MTUS2: variants seen among roughly 807,000 people sequenced by gnomAD.
The protein encoded by MTUS2 is microtubule associated scaffold protein 2.
Under a neutral mutation model 114.1 loss-of-function variants are expected in MTUS2, and 40 were observed. The observed-to-expected ratio is 0.35, with a 90% CI of 0.27 to 0.46. The LOEUF is 0.46. Ranked by LOEUF, MTUS2 falls within the 20% of genes least tolerant of loss-of-function variation. The pLI is 1.00. For synonymous variants in MTUS2, 688 were observed against 672.0 expected (o/e 1.02, Z -0.37); for missense variants, 1,679 against 1,705.4 (o/e 0.98, Z 0.27).
At chr13:29,001,110 CAGTTCCT>C (rs1885365332) in intron 2 of MTUS2, among the ~76,000 whole-genome samples, 1 of 152,224 alleles carries the variant, frequency 6.6e-6, no homozygotes. Context: ...GAGCAGCATT[CAGTTCCT>C]GGAAAACTGC....
intron 2 of MTUS2, among the ~76,000 whole-genome samples, chr13:28,875,532 A>G (rs866006685): frequency 6.6e-6 from 1 of 152,178 alleles, no homozygotes; most frequent in African/African-American, 2.4e-5. Context: ...GTTTATTTTT[A>G]AAAGAACTGT....
At chr13:29,391,637 T>A (rs1297575481) in intron 8 of MTUS2, among the ~76,000 whole-genome samples, 1 of 65,580 alleles carries the variant, frequency 1.5e-5, no homozygotes, top group Non-Finnish European at 3.5e-5. Flanking sequence ...TTTGCTTTTT[T>A]AAAATGTTTT....
chr13:29,408,574 A>T (rs1027896099), intron 8 of MTUS2, among the ~76,000 whole-genome samples: 3 of 152,082 alleles, frequency 2.0e-5, no homozygotes, highest in African/African-American at 7.2e-5. Flanking sequence ...CTCCTTGACC[A>T]TCCAAAGTGC....
At chr13:28,968,426 G>A (rs1883700339) in intron 2 of MTUS2, among the ~76,000 whole-genome samples, 1 of 152,152 alleles carries the variant, frequency 6.6e-6, no homozygotes, top group South Asian at 2.1e-4. Context: ...TTTTATATCA[G>A]TGAATATCAG....
At chr13:29,371,976 GCCC>G (rs1266577455) in intron 8 of MTUS2, among the ~76,000 whole-genome samples, 3 of 23,906 alleles carry the variant, frequency 1.3e-4, no homozygotes, top group Admixed American at 5.2e-4. Flanking sequence ...CTCAACCCCC[GCCC>G]CCCCCCCCAC....
In MTUS2 at chr13:29,077,994, A is replaced by T. The variant is rs532062426; in HGVS notation, c.2447-22779A>T. ...TGAGAATATCTGGTTTTTTCAAAGGATTTATCTTTTAAAAGAAAAATGATA... is the reference window on the plus strand; with the variant it reads ...TGAGAATATCTGGTTTTTTCAAAGGTTTTATCTTTTAAAAGAAAAATGATA... On this transcript the variant is annotated intron_variant, in intron 4 of 15. Transcript: ENST00000612955. 9.2e-5 allele frequency among the ~76,000 whole-genome samples: 14 copies of T among 152,294 alleles called. No homozygotes were observed. In the East Asian group the frequency reaches 1.3e-3, roughly 15 times the overall value.
intron 4 of MTUS2, among the ~76,000 whole-genome samples, chr13:29,094,208 T>C (rs1364766328): frequency 4.2e-5 from 6 of 143,180 alleles, no homozygotes; most frequent in African/African-American, 1.3e-4. Context: ...ACTGGACTTA[T>C]AGAATGAGTT....
At chr13:29,031,269 T>TGTGTGTGTGTGTGTGTGTGTGTGTGG (rs1223710633) in intron 3 of MTUS2, among the ~76,000 whole-genome samples, 2 of 128,186 alleles carry the variant, frequency 1.6e-5, no homozygotes, top group East Asian at 2.3e-4. Context: ...TGTGTGTGTG[T>TGTGTGTGTGTGTGTGTGTGTGTGTGG]GGTGTGTGTT....
chr13:29,144,610 T>C (rs1445659033), intron 5 of MTUS2, among the ~76,000 whole-genome samples: 1 of 152,172 alleles, frequency 6.6e-6, no homozygotes, highest in Non-Finnish European at 1.5e-5. Flanking sequence ...CCCAGTTTTT[T>C]GCTTGCTGTC....
intron 5 of MTUS2, among the ~76,000 whole-genome samples, chr13:29,235,142 G>A (rs756433008): frequency 6.6e-6 from 1 of 151,906 alleles, no homozygotes; most frequent in Non-Finnish European, 1.5e-5. Flanking sequence ...TGTTGCCCAG[G>A]CTGGAGTGCA....
chr13:28,912,432 A>G (rs2138018251), intron 2 of MTUS2, among the ~76,000 whole-genome samples: 1 of 152,286 alleles, frequency 6.6e-6, no homozygotes, highest in East Asian at 1.9e-4. Flanking sequence ...TATAGTTTGA[A>G]GTCAGGTAGC....
chr13:28,849,707 G>A (rs911759653), intron 2 of MTUS2, among the ~76,000 whole-genome samples: 2 of 151,926 alleles, frequency 1.3e-5, no homozygotes, highest in Non-Finnish European at 2.9e-5. Flanking sequence ...TTTCCTGCTT[G>A]AACCCTTTGC....
At chr13:29,315,235 G>A (rs1398446911) in intron 6 of MTUS2, among the ~76,000 whole-genome samples, 2 of 152,298 alleles carry the variant, frequency 1.3e-5, no homozygotes, top group African/African-American at 4.8e-5. Flanking sequence ...GAAGGAATCA[G>A]TTCTAGTGTT....
chr13:29,062,386 G>A (rs900680112), intron 4 of MTUS2, among the ~76,000 whole-genome samples: 1 of 151,506 alleles, frequency 6.6e-6, no homozygotes, highest in Non-Finnish European at 1.5e-5. Flanking sequence ...TCTTTGGTGC[G>A]AATAACTTCT....
intron 5 of MTUS2, among the ~76,000 whole-genome samples, chr13:29,279,665 T>C (rs924590555): frequency 3.3e-5 from 5 of 152,224 alleles, no homozygotes; most frequent in Non-Finnish European, 7.3e-5. Flanking sequence ...AATAGTGTTA[T>C]ATATTATTTT....
intron 5 of MTUS2, among the ~76,000 whole-genome samples, chr13:29,212,860 A>T (rs1031417834): frequency 6.6e-6 from 1 of 152,178 alleles, no homozygotes; most frequent in African/African-American, 2.4e-5. Context: ...AGGCTCCGTC[A>T]CATAGGCATG....
chr13:29,046,031 G>T (rs1288351578), intron 4 of MTUS2, among the ~76,000 whole-genome samples: 1 of 151,746 alleles, frequency 6.6e-6, no homozygotes, highest in Non-Finnish European at 1.5e-5. Flanking sequence ...CCCAGTCCCC[G>T]TGCTTACAAA....
chr13:29,372,891 A>T (rs987009376), intron 8 of MTUS2, among the ~76,000 whole-genome samples: 1 of 152,334 alleles, frequency 6.6e-6, no homozygotes, highest in African/African-American at 2.4e-5. Context: ...TCTCCCACTA[A>T]ATTCAGCTAC....
At chr13:29,032,143 C>T (rs994480759) in intron 3 of MTUS2, among the ~76,000 whole-genome samples, 1 of 151,988 alleles carries the variant, frequency 6.6e-6, no homozygotes, top group Admixed American at 6.6e-5. Flanking sequence ...CTGTAGATTC[C>T]CTTGTTTAAT....
Sources: gnomAD v4.1 joint callset for allele counts (sites outside exome capture counted in the v4.1 genomes callset) on GRCh38, gnomAD v4.1.1 for gene constraint, MANE v1.5 for transcripts, NCBI Gene and HGNC (gene_info 2026-07-23, HGNC 2026-07-21) for gene names.